SNRNP200: variants seen among roughly 807,000 people sequenced by gnomAD.
SNRNP200 encodes the protein small nuclear ribonucleoprotein U5 subunit 200.
In SNRNP200, 66 loss-of-function variants were observed where a neutral mutation model predicts 255.2. The ratio of observed to expected loss-of-function variants is 0.26; its 90% confidence interval spans 0.21 to 0.32. SNRNP200 has a LOEUF of 0.32. Among genes scored for constraint, SNRNP200 ranks in the 10% least tolerant of loss-of-function variants. SNRNP200 has a pLI of 1.00. For missense variants in SNRNP200, 1,585 were observed against 2,749.8 expected (o/e 0.58, Z 9.47); for synonymous variants, 939 against 1,027.8 (o/e 0.91, Z 1.65).
Position 96,284,550 on chromosome 2 carries a change from C to T in SNRNP200, c.4200G>A (p.Arg1400=). Residue 1400 remains arginine, a synonymous_variant, in exon 31 of 45, where the codon AGG becomes AGA. Coordinates refer to ENST00000323853, the MANE Select transcript of SNRNP200 (RefSeq NM_014014.5). ...YMDWYEKFQD[R]LNKKVVLLTG... is the part of the protein sequence containing the mutation. The stretch of plus-strand genomic sequence containing the variant: ...TCAGGAGTACCACCTTCTTGTTGAG[C>T]CTGTCCTGGAACTTCTCGTACCAGT... The T allele has an allele frequency of 6.2e-7, 1 of 1,614,102 alleles. No homozygotes were observed. The highest frequency in any genetic ancestry group is 8.5e-7 in the Non-Finnish European group (1 of 1,179,994).
At chr2:96,281,553 A>G in intron 35 of SNRNP200, 2 of 458,236 alleles carry the variant, frequency 4.4e-6, no homozygotes, top group Non-Finnish European at 8.2e-6. Flanking sequence ...TCTGAGATTA[A>G]TGACGTAACG....
intron 34 of SNRNP200, chr2:96,282,742 T>C (rs962293623): frequency 4.2e-5 from 12 of 286,908 alleles, no homozygotes; most frequent in South Asian, 7.0e-5. Flanking sequence ...TGCTTCCCCT[T>C]TGCCTTCCCT....
chr2:96,282,149 T>G (rs960445695), intron 34 of SNRNP200: 3 of 521,322 alleles, frequency 5.8e-6, no homozygotes, highest in Non-Finnish European at 1.1e-5. Flanking sequence ...CAAGTCATCA[T>G]AGAACAGAAC....
At position 96,291,523 on chromosome 2, in the gene SNRNP200, G is replaced by A. The variant is rs1317052815; in HGVS notation, c.2311-21C>T. On this transcript the variant is annotated intron_variant, in intron 17 of 44. Transcript: ENST00000323853. This position sits in a 1 kb window ranked among gnomAD's most constrained non-coding sequence, Gnocchi z 4.2. ...AGGTTCTGTGGAACAAAGAACCGGG[G>A]ATGAGGCGAGCCTTCCTGTAGGACT... The A allele has an allele frequency of 2.7e-6, 4 of 1,506,916 alleles. No homozygotes were observed. In the African/African-American group the frequency reaches 4.1e-5, roughly 16 times the overall value. 93.3% of individuals were successfully genotyped at this position (1,506,916 alleles called of 1,614,324 possible).
chr2:96,298,215 G>T, intron 9 of SNRNP200, 69 bp downstream of exon 9: 1 of 1,601,116 alleles, frequency 6.2e-7, no homozygotes, highest in Non-Finnish European at 8.6e-7. Context: ...CATGAATTTA[G>T]CTTCATGCTG....
chr2:96,294,863 T>C (rs1399740979), intron 14 of SNRNP200, among the ~76,000 whole-genome samples: 1 of 152,242 alleles, frequency 6.6e-6, no homozygotes, highest in Non-Finnish European at 1.5e-5. Flanking sequence ...TCTTGGCCTT[T>C]TGGCTTAAGA....
chr2:96,297,798 G>A, intron 9 of SNRNP200, 78 bp from the exon 10 acceptor site: 1 of 1,490,466 alleles, frequency 6.7e-7, no homozygotes, highest in Non-Finnish European at 9.3e-7. Context: ...CCCCTGCTTA[G>A]CTAATACTTG....
In SNRNP200 at chr2:96,277,391, C is replaced by T; in HGVS notation, c.5931+148G>A. Reference sequence around the variant, plus strand: ...AAGAACACAGCCCACAGTTGGCAGGCTCTCTAGCATCTCAACAGGGAGCAC... The same window carrying T: ...AAGAACACAGCCCACAGTTGGCAGGTTCTCTAGCATCTCAACAGGGAGCAC... On this transcript the variant is annotated intron_variant, in intron 41 of 44. Coordinates refer to ENST00000323853, the MANE Select transcript of SNRNP200 (RefSeq NM_014014.5). This position sits in a 1 kb window ranked among gnomAD's most constrained non-coding sequence, Gnocchi z 4.4. 4 of 1,274,814 alleles carry T rather than the reference C, an allele frequency of 3.1e-6. No homozygotes were observed. The highest frequency in any genetic ancestry group is 1.5e-5 in the African/African-American group (1 of 68,358). 79.0% of individuals were successfully genotyped at this position (1,274,814 alleles called of 1,614,324 possible). A position where few individuals can be genotyped will look rare whatever the true frequency, so the allele number is the denominator to read the frequency against.
In SNRNP200 at chr2:96,293,421, T is replaced by C. The variant is rs1276960344; in HGVS notation, c.1931A>G (p.Glu644Gly). 1.2e-6 allele frequency: 2 copies of C among 1,613,602 alleles called. No homozygotes were observed. The change falls in exon 15 of 45, where the codon GAG becomes GGG. Residue 644 changes from glutamate to glycine, a missense_variant. Coordinates refer to ENST00000323853, the MANE Select transcript of SNRNP200 (RefSeq NM_014014.5). ...RAIRNIEMTQ[E>G]DVRLIGLSAT... Reference sequence around the variant, plus strand: ...ACTGAGACCAATGAGTCGGACATCCTCTTGGGTCATCTCAATGTTTCGGAT... The same window carrying C: ...ACTGAGACCAATGAGTCGGACATCCCCTTGGGTCATCTCAATGTTTCGGAT...
At chr2:96,294,132 CA>C (rs149859993) in intron 14 of SNRNP200, among the ~76,000 whole-genome samples, 2,124 of 85,202 alleles carry the variant, frequency 0.025, 28 homozygotes, top group African/African-American at 0.071. Context: ...TGCTCCATCT[CA>C]AAAAAAAAAA....
In SNRNP200 at chr2:96,303,335, T is replaced by C. The variant is rs745775178; in HGVS notation, c.210-5A>G. The stretch of plus-strand genomic sequence containing the variant: ...TCCTCATCACGCTTTCTTCGCCTAA[T>C]GGACATGCAATGTGATATTGAATGG... On this transcript the variant is annotated splice_region_variant and splice_polypyrimidine_tract_variant and intron_variant, in intron 2 of 44. Transcript: ENST00000323853. 6.2e-7 allele frequency: 1 copy of C among 1,614,172 alleles called. No homozygotes were observed. The highest frequency in any genetic ancestry group is 8.5e-7 in the Non-Finnish European group (1 of 1,180,028).
Position 96,287,108 on chromosome 2 carries a change from A to T in SNRNP200, c.3537T>A (p.His1179Gln). ...KMGKTIHKYV[H>Q]LFPKLELSVH... is the part of the protein sequence containing the mutation. ...CTGACAACTCCAACTTGGGAAACAGATGGACATATTTGTGGATGGTCTTCC... is the reference window on the plus strand; with the variant it reads ...CTGACAACTCCAACTTGGGAAACAGTTGGACATATTTGTGGATGGTCTTCC... Residue 1179 changes from histidine (H) to glutamine (Q), a missense_variant, in exon 27 of 45, where the codon CAT becomes CAA. His to Gln is a conservative substitution (Grantham distance 24, BLOSUM62 0). This residue lies in a region of SNRNP200 where 719 missense variants were observed against 1,091.1 expected (regional missense o/e 0.66). Coordinates refer to ENST00000323853, the MANE Select transcript of SNRNP200 (RefSeq NM_014014.5). The surrounding 1 kb of genome is among the most constrained non-coding windows in gnomAD (Gnocchi z 5.7). The T allele has an allele frequency of 6.2e-7, 1 of 1,614,042 alleles. No individual in the cohort carries two copies. Among genetic ancestry groups the T allele is most frequent in the Non-Finnish European group, 8.5e-7 (1 of 1,179,900 alleles).
chr2:96,285,519 C>T, intron 29 of SNRNP200, 179 bp from the exon 30 acceptor site: 3 of 669,172 alleles, frequency 4.5e-6, no homozygotes, highest in Non-Finnish European at 7.8e-6. Flanking sequence ...TACTGTACCC[C>T]CTTACCTGCT....
Position 96,278,367 on chromosome 2 carries a change from A to G in SNRNP200, c.5489-9T>C, listed in dbSNP as rs373999264. 22 of 1,614,034 alleles carry G rather than the reference A, an allele frequency of 1.4e-5. No individual in the cohort carries two copies. Among genetic ancestry groups the G allele is most frequent in the Non-Finnish European group, 1.9e-5 (22 of 1,180,030 alleles). On this transcript the variant is annotated splice_polypyrimidine_tract_variant and intron_variant, in intron 38 of 44. Coordinates refer to ENST00000323853, the MANE Select transcript of SNRNP200 (RefSeq NM_014014.5). This position sits in a 1 kb window ranked among gnomAD's most constrained non-coding sequence, Gnocchi z 6.9. ...GGACATGCTGAAGAGCTCTGACAGA[A>G]AAAGGAAATGTGAGAGAAGCTAAAA...
chr2:96,292,015 C>A, intron 16 of SNRNP200, 115 bp from the exon 17 acceptor site: 1 of 1,172,748 alleles, frequency 8.5e-7, no homozygotes, highest in Non-Finnish European at 1.3e-6. Flanking sequence ...TGGAGAGGGG[C>A]AAGGGCAGGA....
intron 21 of SNRNP200, 82 bp downstream of exon 21, chr2:96,289,717 T>A (rs1288261156): frequency 5.5e-6 from 7 of 1,261,352 alleles, no homozygotes; most frequent in Non-Finnish European, 8.1e-6. Flanking sequence ...AGTACTCACA[T>A]CAAGAGAGCA....
Position 96,304,762 on chromosome 2 carries a change from C to T in SNRNP200, c.152G>A (p.Arg51His), listed in dbSNP as rs2063976178. 2 of 1,614,088 alleles carry T rather than the reference C, an allele frequency of 1.2e-6. No individual in the cohort carries two copies. Among genetic ancestry groups the T allele is most frequent in the African/African-American group, 1.3e-5 (1 of 74,928 alleles). Residue 51 changes from arginine to histidine, a missense_variant, in exon 2 of 45, where the codon CGT becomes CAT. Physicochemically the swap from Arg to His is conservative, Grantham distance 29. This residue lies in a region of SNRNP200 where 383 missense variants were observed against 645.3 expected (regional missense o/e 0.59). Coordinates refer to ENST00000323853, the MANE Select transcript of SNRNP200 (RefSeq NM_014014.5). ...LSLVGKLEGT[R>H]MGDKAQRTKP... ...GGTCCGTTGAGCCTTGTCTCCCATA[C>T]GGGTGCCCTCCAGCTTCCCAACAAG...
In SNRNP200 at chr2:96,278,620, C is replaced by T. The variant is rs2104332523; in HGVS notation, c.5415G>A (p.Glu1805=). Residue 1805 remains glutamate, a synonymous_variant, in exon 38 of 45, where the codon GAG becomes GAA. Transcript: ENST00000323853. The surrounding 1 kb of genome is among the most constrained non-coding windows in gnomAD (Gnocchi z 6.9). ...DLEQSKCISI[E]DEMDVAPLNL... ...TCAGAGGCGCCACGTCCATCTCGTC[C>T]TCGATGCTGATGCACTTGGACTGCT... The T allele has an allele frequency of 1.2e-6, 2 of 1,614,218 alleles. No individual in the cohort carries two copies. Among genetic ancestry groups the T allele is most frequent in the Non-Finnish European group, 1.7e-6 (2 of 1,180,038 alleles).
chr2:96,296,856 T>A, intron 12 of SNRNP200, 77 bp downstream of exon 12: 1 of 1,590,346 alleles, frequency 6.3e-7, no homozygotes. Context: ...GGGGTGGGGG[T>A]GGAAATAAAA....
Sources: allele counts gnomAD v4.1 joint callset (sites outside exome capture counted in the v4.1 genomes callset), GRCh38; gene constraint gnomAD v4.1.1; regional missense constraint gnomAD v4.1.1; non-coding constraint Gnocchi (gnomAD v3.1); transcripts MANE v1.5; gene names NCBI Gene and HGNC (gene_info 2026-07-23, HGNC 2026-07-21).